The following RALGPS1 variants were observed in gnomAD, a reference collection of about 807,000 sequenced individuals.
The protein encoded by RALGPS1 is ras-specific guanine nucleotide-releasing factor RalGPS1.
RALGPS1 carries 19 observed loss-of-function variants against 78.8 expected under a neutral mutation model. The ratio of observed to expected loss-of-function variants is 0.24; its 90% CI spans 0.17 to 0.35. RALGPS1 has a LOEUF of 0.35. Among genes scored for constraint, RALGPS1 ranks in the 10% least tolerant of loss-of-function variants. RALGPS1 has a pLI of 1.00. For missense variants in RALGPS1, 454 were observed against 688.3 expected (o/e 0.66, Z 3.81); for synonymous variants, 228 against 256.3 (o/e 0.89, Z 1.06).
intron 13 of RALGPS1, among the ~76,000 whole-genome samples, chr9:127,197,443 A>G (rs565197751): frequency 7.2e-6 from 1 of 138,156 alleles, no homozygotes; most frequent in South Asian, 2.2e-4. Context: ...TGGTTAGACC[A>G]GTTGCCGAGC....
intron 1 of RALGPS1, among the ~76,000 whole-genome samples, chr9:126,916,145 TG>T (rs1243444821): frequency 3.9e-5 from 6 of 152,166 alleles, no homozygotes; most frequent in Admixed American, 1.3e-4. Flanking sequence ...CTTGTGCCGA[TG>T]GGCAGGTTGG....
intron 18 of RALGPS1, among the ~76,000 whole-genome samples, chr9:127,215,606 C>T (rs898230538): frequency 6.6e-6 from 1 of 152,178 alleles, no homozygotes; most frequent in Admixed American, 6.5e-5. Context: ...CCTGACTCCC[C>T]CGATTGTCTG....
intron 8 of RALGPS1, among the ~76,000 whole-genome samples, chr9:127,153,629 C>T (rs957542453): frequency 8.5e-5 from 13 of 152,130 alleles, no homozygotes; most frequent in African/African-American, 3.1e-4. Context: ...TCACCCTGTG[C>T]CCTTGCAGCT....
intron 14 of RALGPS1, chr9:127,210,447 C>T (rs2062178735): frequency 1.8e-6 from 1 of 547,924 alleles, no homozygotes. Flanking sequence ...AGGGTGAACA[C>T]TCAATAAAAA....
At chr9:127,092,826 T>G (rs2789512) in intron 8 of RALGPS1, among the ~76,000 whole-genome samples, 110,342 of 151,842 alleles carry the variant, frequency 0.73, 40,310 homozygotes, top group East Asian at 0.82. Context: ...ACACAGGCTG[T>G]TCAGGAGGTG....
intron 1 of RALGPS1, among the ~76,000 whole-genome samples, chr9:126,930,431 A>T (rs1024332340): frequency 6.6e-6 from 1 of 152,076 alleles, no homozygotes; most frequent in Non-Finnish European, 1.5e-5. Flanking sequence ...TAAGTTGGTA[A>T]AAAAATATTT....
intron 8 of RALGPS1, among the ~76,000 whole-genome samples, chr9:127,141,634 A>AAT (rs1362520728): frequency 5.3e-5 from 8 of 150,926 alleles, no homozygotes; most frequent in Admixed American, 2.6e-4. Flanking sequence ...AAAAAAAAAA[A>AAT]AAAAAAGAAA....
In RALGPS1 at chr9:127,218,686, C is replaced by T; in HGVS notation, c.1645-54C>T. On this transcript the variant is annotated intron_variant, in intron 18 of 18. Transcript: ENST00000259351. This position sits in a 1 kb window ranked among gnomAD's most constrained non-coding sequence, Gnocchi z 4.4. ...TCCCTTCCCCTAGGGACCACCACCC[C>T]TTGTCCTTCTCTGAGGTCGGAACTT... 3 of 1,581,754 alleles carry T rather than the reference C, an allele frequency of 1.9e-6. No homozygotes were observed. The highest frequency in any genetic ancestry group is 1.7e-6 in the Non-Finnish European group (2 of 1,150,630).
At chr9:127,093,185 G>A (rs1442394359) in intron 8 of RALGPS1, among the ~76,000 whole-genome samples, 1 of 152,188 alleles carries the variant, frequency 6.6e-6, no homozygotes, top group African/African-American at 2.4e-5. Context: ...ATGTATGACT[G>A]AGTCCTGGCA....
chr9:127,150,046 G>A (rs1330555607), intron 8 of RALGPS1, among the ~76,000 whole-genome samples: 1 of 152,222 alleles, frequency 6.6e-6, no homozygotes, highest in Non-Finnish European at 1.5e-5. Context: ...CTGAGGTGCA[G>A]TGTCAGCTCT....
At chr9:127,102,460 C>G (rs907713523) in intron 8 of RALGPS1, among the ~76,000 whole-genome samples, 2 of 152,112 alleles carry the variant, frequency 1.3e-5, no homozygotes, top group African/African-American at 4.8e-5. Flanking sequence ...CTAGGGTTTT[C>G]TAGATTTCTT....
At chr9:127,078,495 C>A (rs1300003471) in intron 8 of RALGPS1, among the ~76,000 whole-genome samples, 1 of 152,200 alleles carries the variant, frequency 6.6e-6, no homozygotes, top group East Asian at 1.9e-4. Flanking sequence ...TTCCACCCAG[C>A]CTTAACTTAC....
chr9:127,109,939 C>A (rs778038182), intron 8 of RALGPS1, among the ~76,000 whole-genome samples: 1 of 152,138 alleles, frequency 6.6e-6, no homozygotes, highest in Non-Finnish European at 1.5e-5. Flanking sequence ...GTGCTAGATC[C>A]CTTCTCTTGC....
At chr9:126,999,173 TAA>T (rs1203313495) in intron 4 of RALGPS1, among the ~76,000 whole-genome samples, 2 of 151,864 alleles carry the variant, frequency 1.3e-5, no homozygotes, top group East Asian at 3.9e-4. Context: ...ATAATAATAA[TAA>T]TAATAATAAG....
intron 18 of RALGPS1, chr9:127,217,472 A>G: frequency 1.0e-6 from 1 of 982,784 alleles, no homozygotes; most frequent in Non-Finnish European, 1.2e-6. Flanking sequence ...GACTAGAGTG[A>G]TTTTCTGTTC....
chr9:126,957,919 G>A (rs769703956), intron 1 of RALGPS1, among the ~76,000 whole-genome samples: 13 of 151,614 alleles, frequency 8.6e-5, no homozygotes, highest in Non-Finnish European at 1.8e-4. Context: ...TGGGAGGATC[G>A]CTTGAGCCCA....
chr9:127,179,309 A>C (rs1042948299), intron 11 of RALGPS1, among the ~76,000 whole-genome samples: 3 of 152,086 alleles, frequency 2.0e-5, no homozygotes, highest in Admixed American at 2.0e-4. Context: ...GAAGACAGAG[A>C]GTGGGTGCTG....
chr9:127,124,464 T>C (rs1235551307), intron 8 of RALGPS1, among the ~76,000 whole-genome samples: 2 of 152,136 alleles, frequency 1.3e-5, no homozygotes, highest in African/African-American at 4.8e-5. Flanking sequence ...TGTAGAGTCT[T>C]CCTGTTGAGG....
In RALGPS1 at chr9:127,211,968, G is replaced by A. The variant is rs966639756; in HGVS notation, c.1248-163G>A. The stretch of plus-strand genomic sequence containing the variant: ...CCTTGGCGGTGGGCCCTTCATGTGC[G>A]TTATCACCTGGCCCTCCCCTCCGGG... On this transcript the variant is annotated intron_variant, in intron 14 of 18. Coordinates refer to ENST00000259351, the MANE Select transcript of RALGPS1 (RefSeq NM_014636.3). The surrounding 1 kb of genome is among the most constrained non-coding windows in gnomAD (Gnocchi z 5.0). 1.2e-4 allele frequency among the ~76,000 whole-genome samples: 19 copies of A among 152,162 alleles called. No individual in the cohort carries two copies. Among genetic ancestry groups the A allele is most frequent in the Non-Finnish European group, 2.1e-4 (14 of 68,016 alleles).
Sources: gnomAD v4.1 joint callset for allele counts (sites outside exome capture counted in the v4.1 genomes callset) on GRCh38, gnomAD v4.1.1 for gene constraint, Gnocchi (gnomAD v3.1) non-coding constraint, MANE v1.5 for transcripts, NCBI Gene and HGNC (gene_info 2026-07-23, HGNC 2026-07-21) for gene names.